USP20: variants seen among roughly 807,000 people sequenced by gnomAD.
The protein encoded by USP20 is ubiquitin carboxyl-terminal hydrolase 20.
A neutral mutation model predicts 124.2 loss-of-function variants in USP20; 80 were observed. The observed-to-expected ratio is 0.64, with a 90% CI of 0.54 to 0.78. The LOEUF (loss-of-function observed/expected upper bound fraction) is 0.78, where lower values mean the gene tolerates loss of function less well. USP20 is among the 30% of genes least tolerant of loss of function. The probability of loss-of-function intolerance (pLI) is 0.00; values close to 1 mark genes in which losing one functional copy is unlikely to be tolerated. For missense variants in USP20, 1,043 were observed against 1,244.4 expected (o/e 0.84, Z 2.44); for synonymous variants, 481 against 512.3 (o/e 0.94, Z 0.83).
chr9:129,879,656 C>T lies in USP20; in HGVS notation c.2584+12C>T, dbSNP rs766061689. On this transcript the variant is annotated intron_variant, in intron 24 of 25. Coordinates refer to ENST00000372429, the MANE Select transcript of USP20 (RefSeq NM_001110303.4). This position sits in a 1 kb window ranked among gnomAD's most constrained non-coding sequence, Gnocchi z 4.2. ...CCAGCTGAAGCAGGGTGAGTTCCCC[C>T]TGGGGTCAGCCAGGCTCCTCTCTGC... is the stretch of plus-strand genomic sequence containing the variant. 6.2e-7 allele frequency: 1 copy of T among 1,613,882 alleles called. No individual in the cohort carries two copies. The highest frequency in any genetic ancestry group is 1.7e-4 in the Middle Eastern group (1 of 6,060).
rs1588296341 is a variant in USP20 at position 129,880,420 on chromosome 9, C to T, written c.*17-47C>T. ...CACCTTCCTGGAGGATGTGGGAGGG[C>T]CCTGGACATGGCCCGGCCCCACTGC... On this transcript the variant is annotated intron_variant, in intron 25 of 25. Transcript: ENST00000372429. 2.7e-6 allele frequency: 3 copies of T among 1,126,612 alleles called. No individual in the cohort carries two copies. The East Asian group carries it at 7.8e-5, about 29-fold the overall frequency. The allele number at this position is 1,126,612 out of a possible 1,614,324, so 69.8% of individuals were successfully genotyped here.
chr9:129,868,412 C>T lies in USP20; in HGVS notation c.1098C>T (p.Pro366=), dbSNP rs781576329. The change falls in exon 11 of 26, where the codon CCC becomes CCT. Residue 366 remains proline, a synonymous_variant. Coordinates refer to ENST00000372429, the MANE Select transcript of USP20 (RefSeq NM_001110303.4). ...ACGACCAGCCCGCGGAGGCCCAGCC[C>T]CCGTCACCACGGTCCTCCAGCCCCT... is the stretch of plus-strand genomic sequence containing the variant. ...ALDDQPAEAQ[P]PSPRSSSPCR... is the part of the protein sequence containing the mutation. 3 of 1,612,098 alleles carry T rather than the reference C, an allele frequency of 1.9e-6. No homozygotes were observed. The highest frequency in any genetic ancestry group is 2.5e-6 in the Non-Finnish European group (3 of 1,179,496).
At chr9:129,846,708 C>T (rs2032596011) in intron 1 of USP20, among the ~76,000 whole-genome samples, 1 of 150,722 alleles carries the variant, frequency 6.6e-6, no homozygotes, top group Non-Finnish European at 1.5e-5. Context: ...CTCATTGCAA[C>T]CTCTGCCTCC....
At chr9:129,875,234 C>A in intron 19 of USP20, 76 bp from the exon 20 acceptor site, 1 of 1,456,904 alleles carries the variant, frequency 6.9e-7, no homozygotes, top group Non-Finnish European at 9.2e-7. Flanking sequence ...CCGAGGTGCA[C>A]TGGGATGGGG....
At chr9:129,856,116 A>C (rs539811501) in intron 3 of USP20, among the ~76,000 whole-genome samples, 191 bp from the exon 4 acceptor site, 13 of 152,260 alleles carry the variant, frequency 8.5e-5, no homozygotes, top group Non-Finnish European at 1.9e-4. Context: ...AGTAAAGTAT[A>C]AAGTGCTCCC....
intron 17 of USP20, 33 bp downstream of exon 17, chr9:129,873,777 G>T (rs753722790): frequency 1.2e-6 from 2 of 1,607,486 alleles, no homozygotes; most frequent in Admixed American, 3.3e-5. Flanking sequence ...CTCCTCCTCA[G>T]CTATCTCGGG....
Position 129,863,420 on chromosome 9 carries a change from G to A in USP20, c.611+121G>A, listed in dbSNP as rs557742000. Reference sequence around the variant, plus strand: ...GCGAGGACTTGCCTCACTTTGTCCCGGGTAATGCTTGCAGCAAGCCTGCGG... The same window carrying A: ...GCGAGGACTTGCCTCACTTTGTCCCAGGTAATGCTTGCAGCAAGCCTGCGG... On this transcript the variant is annotated intron_variant, in intron 9 of 25. Coordinates refer to ENST00000372429, the MANE Select transcript of USP20 (RefSeq NM_001110303.4). The A allele has an allele frequency of 1.8e-5, 13 of 736,888 alleles. No homozygotes were observed. In the East Asian group the frequency reaches 2.6e-4, roughly 15 times the overall value. 45.6% of individuals were successfully genotyped at this position (736,888 alleles called of 1,614,324 possible). A position where few individuals can be genotyped will look rare whatever the true frequency, so the allele number is the denominator to read the frequency against.
intron 1 of USP20, among the ~76,000 whole-genome samples, chr9:129,842,506 G>A (rs886647228): frequency 2.0e-5 from 3 of 152,050 alleles, no homozygotes; most frequent in Non-Finnish European, 4.4e-5. Flanking sequence ...GGTACCAAAA[G>A]GAAGCAAAAT....
At chr9:129,848,366 C>T (rs1331538648) in intron 1 of USP20, among the ~76,000 whole-genome samples, 1 of 152,156 alleles carries the variant, frequency 6.6e-6, no homozygotes, top group African/African-American at 2.4e-5. Context: ...ACTTAAGTTC[C>T]AATTCTGTGT....
intron 6 of USP20, among the ~76,000 whole-genome samples, chr9:129,860,595 G>T (rs1351428723): frequency 1.3e-5 from 2 of 152,102 alleles, no homozygotes; most frequent in Non-Finnish European, 2.9e-5. Flanking sequence ...TGCTGTGCAT[G>T]CACCTGTAGT....
chr9:129,876,460 A>G (rs530806686), intron 22 of USP20, among the ~76,000 whole-genome samples: 1 of 152,124 alleles, frequency 6.6e-6, no homozygotes, highest in African/African-American at 2.4e-5. Flanking sequence ...CCAACATGGC[A>G]AAACCCCGTC....
At position 129,876,112 on chromosome 9, in the gene USP20, C is replaced by G; in HGVS notation, c.2301-18C>G. 1 of 1,605,946 alleles carries G rather than the reference C, an allele frequency of 6.2e-7. No individual in the cohort carries two copies. The highest frequency in any genetic ancestry group is 1.1e-5 in the South Asian group (1 of 90,076). ...TACCCCGCTCAGGCCGTGTCTCTCT[C>G]TCCCACCCTGGGCACAGATTCGGGG... is the stretch of plus-strand genomic sequence containing the variant. On this transcript the variant is annotated intron_variant, in intron 21 of 25. Transcript: ENST00000372429.
chr9:129,858,135 T>C, intron 5 of USP20, 23 bp downstream of exon 5: 1 of 1,612,654 alleles, frequency 6.2e-7, no homozygotes, highest in East Asian at 2.2e-5. Context: ...GCTGAGAGTA[T>C]GGGCCCTGCA....
intron 14 of USP20, 114 bp downstream of exon 14, chr9:129,869,958 G>C: frequency 1.5e-6 from 2 of 1,333,170 alleles, no homozygotes; most frequent in Non-Finnish European, 2.1e-6. Flanking sequence ...GAGGTCCTGG[G>C]AGGAGCTGGG....
chr9:129,861,530 G>A lies in USP20; in HGVS notation c.428-13G>A, dbSNP rs746228810. 6 of 1,613,914 alleles carry A rather than the reference G, an allele frequency of 3.7e-6. No homozygotes were observed. In the African/African-American group the frequency reaches 4.0e-5, roughly 11 times the overall value. ...GTGCTCACCTGCTCCTCCCCGTTGT[G>A]TTTATTTCCCAGGCCTCACGGGCAT... On this transcript the variant is annotated splice_polypyrimidine_tract_variant and intron_variant, in intron 7 of 25. Transcript: ENST00000372429.
intron 1 of USP20, among the ~76,000 whole-genome samples, chr9:129,844,485 G>A (rs1048862728): frequency 6.6e-6 from 1 of 151,576 alleles, no homozygotes; most frequent in Admixed American, 6.6e-5. Flanking sequence ...AATTAGCCAG[G>A]CGTGGGAGTG....
Position 129,869,329 on chromosome 9 carries a change from C to T in USP20, c.1296C>T (p.Gly432=). The stretch of plus-strand genomic sequence containing the variant: ...CCCCAGCCCAGGTATTGAGTGCTGG[C>T]AGCCGGAGGCGGAAGGAGCAGCGCT... ...VLKKAQVLSA[G]SRRRKEQRYR... The change falls in exon 13 of 26, where the codon GGC becomes GGT. Residue 432 remains glycine (G), a synonymous_variant. Coordinates refer to ENST00000372429, the MANE Select transcript of USP20 (RefSeq NM_001110303.4). 1.8e-5 allele frequency: 29 copies of T among 1,613,680 alleles called. No individual in the cohort carries two copies. Among genetic ancestry groups the T allele is most frequent in the Non-Finnish European group, 2.5e-5 (29 of 1,180,000 alleles).
At chr9:129,853,851 C>T (rs777218596) in intron 3 of USP20, among the ~76,000 whole-genome samples, 18 of 152,070 alleles carry the variant, frequency 1.2e-4, no homozygotes, top group Admixed American at 1.1e-3. Flanking sequence ...GCCTGGCAGC[C>T]GTTCAGAAGC....
intron 3 of USP20, among the ~76,000 whole-genome samples, chr9:129,855,945 G>A (rs2033191874): frequency 6.6e-6 from 1 of 152,190 alleles, no homozygotes; most frequent in African/African-American, 2.4e-5. Flanking sequence ...GGGGAGAAAG[G>A]CTGAAATAAT....
Sources: allele counts gnomAD v4.1 joint callset (sites outside exome capture counted in the v4.1 genomes callset), GRCh38; gene constraint gnomAD v4.1.1; non-coding constraint Gnocchi (gnomAD v3.1); transcripts MANE v1.5; gene names NCBI Gene and HGNC (gene_info 2026-07-23, HGNC 2026-07-21).